Variants in LUC7L3 observed in about 807,000 individuals in gnomAD.
LUC7L3 encodes the protein luc7-like protein 3.
A neutral mutation model predicts 66.8 loss-of-function variants in LUC7L3; 6 were observed. The ratio of observed to expected loss-of-function variants is 0.09; its 90% CI spans 0.05 to 0.18. The LOEUF (loss-of-function observed/expected upper bound fraction) is 0.18, where lower values mean the gene tolerates loss of function less well. Among genes scored for constraint, LUC7L3 ranks in the 10% least tolerant of loss-of-function variants. LUC7L3 has a pLI of 1.00. For missense variants in LUC7L3, 341 were observed against 531.1 expected (o/e 0.64, Z 3.52); for synonymous variants, 160 against 174.7 (o/e 0.92, Z 0.66).
At chr17:50,721,832 C>T (rs1346441820) in intron 1 of LUC7L3, among the ~76,000 whole-genome samples, 1 of 151,836 alleles carries the variant, frequency 6.6e-6, no homozygotes, top group East Asian at 1.9e-4. Context: ...TTTTGCATTC[C>T]TGTTCTATCT....
intron 1 of LUC7L3, among the ~76,000 whole-genome samples, chr17:50,731,611 T>C (rs1018444268): frequency 6.6e-6 from 1 of 152,204 alleles, no homozygotes; most frequent in Non-Finnish European, 1.5e-5. Flanking sequence ...TCCAGGTAGC[T>C]GGTTTATTGT....
rs567880372 is a variant in LUC7L3 at position 50,737,097 on chromosome 17, G to GA, written c.166+78dup. The GA allele has an allele frequency of 2.5e-3, 2,489 of 1,011,142 alleles. 65 individuals are homozygous for GA. The South Asian group carries it at 0.034, about 14-fold the overall frequency. The allele number at this position is 1,011,142 out of a possible 1,614,324, so 62.6% of individuals were successfully genotyped here. ...AAATGTTGAATAGGAGTGGTGAAAG[G>GA]AAAAAAACTGATTATAATTCTGTGA... On this transcript the variant is annotated intron_variant, in intron 2 of 9. Transcript: ENST00000505658.
intron 1 of LUC7L3, among the ~76,000 whole-genome samples, chr17:50,735,160 G>C (rs1969890832): frequency 6.6e-6 from 1 of 151,774 alleles, no homozygotes; most frequent in Non-Finnish European, 1.5e-5. Context: ...AGCCCAGGAG[G>C]GAGAGGTTGC....
intron 6 of LUC7L3, 83 bp downstream of exon 6, chr17:50,743,893 C>CT: frequency 2.0e-6 from 2 of 1,018,692 alleles, no homozygotes; most frequent in Non-Finnish European, 1.5e-6. Context: ...CCTTTGAAAA[C>CT]TGATGTTCCA....
At chr17:50,733,583 A>G (rs1969780074) in intron 1 of LUC7L3, among the ~76,000 whole-genome samples, 2 of 151,888 alleles carry the variant, frequency 1.3e-5, no homozygotes, top group East Asian at 1.9e-4. Context: ...TTGTATTTTT[A>G]GTAGAGACGG....
intron 9 of LUC7L3, among the ~76,000 whole-genome samples, chr17:50,747,619 G>A (rs1211531287): frequency 6.6e-6 from 1 of 152,020 alleles, no homozygotes; most frequent in Non-Finnish European, 1.5e-5. Flanking sequence ...CTAGTCTTTT[G>A]TGTGTTGTTT....
intron 1 of LUC7L3, among the ~76,000 whole-genome samples, chr17:50,732,365 C>T (rs1174042591): frequency 6.6e-6 from 1 of 152,058 alleles, no homozygotes; most frequent in Non-Finnish European, 1.5e-5. Context: ...TTAATCTTTA[C>T]AATCCCACTA....
intron 1 of LUC7L3, among the ~76,000 whole-genome samples, chr17:50,727,021 G>A (rs774554178): frequency 1.7e-4 from 26 of 151,974 alleles, no homozygotes; most frequent in Non-Finnish European, 2.5e-4. Context: ...CCCGGGAGGC[G>A]GAGGTTGCAG....
chr17:50,740,455 T>C, intron 3 of LUC7L3, 110 bp downstream of exon 3: 1 of 1,010,660 alleles, frequency 9.9e-7, no homozygotes, highest in African/African-American at 1.6e-5. Context: ...CTGAGAGAAG[T>C]CCAGTCAGTG....
chr17:50,728,575 C>CA (rs550622522), intron 1 of LUC7L3, among the ~76,000 whole-genome samples: 139 of 152,120 alleles, frequency 9.1e-4, no homozygotes, highest in Non-Finnish European at 1.7e-3. Flanking sequence ...TTTTTGGAGA[C>CA]AGAGTCTTGA....
intron 1 of LUC7L3, among the ~76,000 whole-genome samples, chr17:50,728,028 G>C (rs1001688099): frequency 6.6e-6 from 1 of 151,342 alleles, no homozygotes; most frequent in Non-Finnish European, 1.5e-5. Context: ...TGAGACGGGA[G>C]AATGGCGTGA....
rs1329571065 is a variant in LUC7L3, at chr17:50,753,595, G to A, written c.*2934G>A. On this transcript the variant is annotated 3_prime_UTR_variant, in exon 10 of 10. Transcript: ENST00000505658. The stretch of plus-strand genomic sequence containing the variant: ...GAATGGGTTATCTCTGAATTTGTAA[G>A]AGATAATTCACATGAGGATTAAGAT... 1 of 152,138 alleles carries A rather than the reference G, an allele frequency of 6.6e-6. No homozygotes were observed. The highest frequency in any genetic ancestry group is 1.9e-4 in the East Asian group (1 of 5,198). The allele number at this position is 152,138 out of a possible 1,614,324, so 9.4% of individuals were successfully genotyped here.
intron 1 of LUC7L3, among the ~76,000 whole-genome samples, chr17:50,727,687 C>T (rs900192756): frequency 6.6e-6 from 1 of 152,166 alleles, no homozygotes; most frequent in Non-Finnish European, 1.5e-5. Flanking sequence ...GAGAAGACAC[C>T]TTACCAGCCT....
chr17:50,737,680 C>G (rs574258939), intron 2 of LUC7L3, among the ~76,000 whole-genome samples: 1 of 152,126 alleles, frequency 6.6e-6, no homozygotes, highest in Non-Finnish European at 1.5e-5. Context: ...TTGTGACACC[C>G]CAAAATGTCT....
intron 1 of LUC7L3, among the ~76,000 whole-genome samples, chr17:50,734,378 G>T (rs1282660925): frequency 2.0e-5 from 3 of 152,112 alleles, no homozygotes; most frequent in Non-Finnish European, 2.9e-5. Context: ...TGTTGGTCAT[G>T]CTGGTCTCAA....
chr17:50,751,099 A>T lies in LUC7L3; in HGVS notation c.*438A>T. ...AGAGACATATGCTTTAAAAACTTAA[A>T]TATTTCGGAGGCACATGTTGGACTA... On this transcript the variant is annotated 3_prime_UTR_variant, in exon 10 of 10. Coordinates refer to ENST00000505658, the MANE Select transcript of LUC7L3 (RefSeq NM_016424.5). 1 of 1,443,116 alleles carries T rather than the reference A, an allele frequency of 6.9e-7. No individual in the cohort carries two copies. The highest frequency in any genetic ancestry group is 9.0e-7 in the Non-Finnish European group (1 of 1,106,504). The allele number at this position is 1,443,116 out of a possible 1,614,324, so 89.4% of individuals were successfully genotyped here.
chr17:50,741,276 C>CTTA (rs1362291165), intron 4 of LUC7L3, 30 bp downstream of exon 4: 1 of 1,604,390 alleles, frequency 6.2e-7, no homozygotes, highest in Admixed American at 1.7e-5. Flanking sequence ...TCTTTGTAAA[C>CTTA]GGTCCTTGTT....
intron 2 of LUC7L3, chr17:50,738,175 A>C (rs780917401): frequency 3.5e-5 from 16 of 455,914 alleles, no homozygotes; most frequent in South Asian, 2.5e-4. Flanking sequence ...GAAAGTGAAC[A>C]GTTCCTGAGA....
rs576545104 is a variant in LUC7L3, at chr17:50,727,828, G to A, written c.99+7997G>A. ...TGGTTTTAAATAGTTTTTATAGGCC[G>A]GGCGTGGTGGCTCACGCCAGTAATC... On this transcript the variant is annotated intron_variant, in intron 1 of 9. Coordinates refer to ENST00000505658, the MANE Select transcript of LUC7L3 (RefSeq NM_016424.5). Among the ~76,000 whole-genome samples, 6 of 152,202 alleles carry A rather than the reference G, an allele frequency of 3.9e-5. No homozygotes were observed. The South Asian group carries it at 6.2e-4, about 16-fold the overall frequency.
Sources: allele counts gnomAD v4.1 joint callset (sites outside exome capture counted in the v4.1 genomes callset), GRCh38; gene constraint gnomAD v4.1.1; transcripts MANE v1.5; gene names NCBI Gene and HGNC (gene_info 2026-07-23, HGNC 2026-07-21).